Variants in GRAMD1B observed in about 807,000 individuals in gnomAD.
GRAMD1B encodes GRAM domain containing 1B.
GRAMD1B carries 37 observed loss-of-function variants against 99.7 expected under a neutral mutation model. The observed-to-expected ratio is 0.37, with a 90% CI of 0.29 to 0.49. The LOEUF (loss-of-function observed/expected upper bound fraction) is 0.49. Among genes scored for constraint, GRAMD1B ranks in the 20% least tolerant of loss-of-function variants. The pLI is 0.98. For synonymous variants in GRAMD1B, 427 were observed against 387.6 expected (o/e 1.10, Z -1.19); for missense variants, 888 against 1,009.2 (o/e 0.88, Z 1.63).
At chr11:123,572,415 G>A (rs942909581) in intron 2 of GRAMD1B, among the ~76,000 whole-genome samples, 1 of 152,200 alleles carries the variant, frequency 6.6e-6, no homozygotes. Context: ...TGTTATGCAT[G>A]TTAGGTGTTA....
In GRAMD1B at chr11:123,492,172, C is replaced by T. The variant is rs1388783238; in HGVS notation, c.452+11279C>T. On this transcript the variant is annotated intron_variant, in intron 2 of 19. Transcript: ENST00000635736. This position sits in a 1 kb window ranked among gnomAD's most constrained non-coding sequence, Gnocchi z 4.2. ...CCTCCCAACGAGGTGCCTTGGCCTCCGGGTCCTTCTTCATAACTGGCCAGG... is the reference window on the plus strand; with the variant it reads ...CCTCCCAACGAGGTGCCTTGGCCTCTGGGTCCTTCTTCATAACTGGCCAGG... Among the ~76,000 whole-genome samples, 2 of 152,132 alleles carry T rather than the reference C, an allele frequency of 1.3e-5. No homozygotes were observed. Among genetic ancestry groups the T allele is most frequent in the South Asian group, 2.1e-4 (1 of 4,828 alleles).
intron 7 of GRAMD1B, among the ~76,000 whole-genome samples, chr11:123,596,602 C>T (rs1396741785): frequency 2.0e-5 from 3 of 152,238 alleles, no homozygotes; most frequent in Non-Finnish European, 4.4e-5. Context: ...GACTGGGTTT[C>T]TGCTGAAGGC....
rs368223750 is a variant in GRAMD1B, at chr11:123,622,558, C to T, written c.2597C>T (p.Thr866Met). Residue 866 changes from threonine (T) to methionine (M), a missense_variant, in exon 20 of 20, where the codon ACG becomes ATG. By Grantham distance (81) the Thr-to-Met change is moderately conservative. Around this residue, in one of 5 missense-constraint regions of GRAMD1B, gnomAD observed 232 missense variants for 261.7 expected, o/e 0.89. Transcript: ENST00000635736. ...AACGGCATCAGGTCCCGCGACTACA[C>T]GTCGGAAAGTGAAGAAAAGAGGAAT... is the stretch of plus-strand genomic sequence containing the variant. ...LQNGIRSRDY[T>M]SESEEKRNRY... 52 of 1,557,760 alleles carry T rather than the reference C, an allele frequency of 3.3e-5. No homozygotes were observed. The highest frequency in any genetic ancestry group is 3.2e-4 in the South Asian group (27 of 84,316).
intron 1 of GRAMD1B, among the ~76,000 whole-genome samples, chr11:123,403,952 C>T (rs1383365765): frequency 2.0e-5 from 3 of 152,176 alleles, no homozygotes; most frequent in African/African-American, 7.2e-5. Flanking sequence ...TGCTTTAACT[C>T]TACAAGTTCA....
At chr11:123,461,597 T>TTTG (rs774597386) in intron 1 of GRAMD1B, among the ~76,000 whole-genome samples, 74 of 152,298 alleles carry the variant, frequency 4.9e-4, no homozygotes, top group African/African-American at 1.6e-3. Flanking sequence ...AGCTCTACTT[T>TTTG]TTGTTGTTGT....
In GRAMD1B at chr11:123,591,049, T is replaced by C. The variant is rs1950592994; in HGVS notation, c.685-3033T>C. On this transcript the variant is annotated intron_variant, in intron 4 of 19. Transcript: ENST00000635736. The surrounding 1 kb of genome is among the most constrained non-coding windows in gnomAD (Gnocchi z 4.7). ...ATCCTCTGGACCCTTGGGGTGACTG[T>C]CTGCACTGACCAGGTGGAGGTGCGT... 1 of 175,106 alleles carries C rather than the reference T, an allele frequency of 5.7e-6. No homozygotes were observed. The highest frequency in any genetic ancestry group is 2.0e-4 in the South Asian group (1 of 5,016). The allele number at this position is 175,106 out of a possible 1,614,324, so 10.8% of individuals were successfully genotyped here. A position where few individuals can be genotyped will look rare whatever the true frequency, so the allele number is the denominator to read the frequency against.
intron 2 of GRAMD1B, among the ~76,000 whole-genome samples, chr11:123,520,009 T>G (rs1466386965): frequency 6.6e-6 from 1 of 152,238 alleles, no homozygotes; most frequent in Non-Finnish European, 1.5e-5. Context: ...AGCAGCATGC[T>G]CTGGTGACCT....
chr11:123,476,309 C>T (rs960063407), intron 1 of GRAMD1B, among the ~76,000 whole-genome samples: 1 of 152,134 alleles, frequency 6.6e-6, no homozygotes, highest in African/African-American at 2.4e-5. Context: ...CCATGTTGGC[C>T]AGGCTGGTCT....
At chr11:123,387,916 G>C (rs1308278168) in intron 1 of GRAMD1B, among the ~76,000 whole-genome samples, 1 of 152,052 alleles carries the variant, frequency 6.6e-6, no homozygotes, top group South Asian at 2.1e-4. Context: ...CTGAGGTCAG[G>C]AGTTCAAGAC....
chr11:123,601,258 C>A (rs1951921387), intron 8 of GRAMD1B, among the ~76,000 whole-genome samples: 1 of 152,034 alleles, frequency 6.6e-6, no homozygotes, highest in South Asian at 2.1e-4. Context: ...ACACAGCCAC[C>A]ACGAATTGAC....
At chr11:123,599,888 G>A (rs531492008) in intron 7 of GRAMD1B, among the ~76,000 whole-genome samples, 2 of 152,328 alleles carry the variant, frequency 1.3e-5, no homozygotes, top group African/African-American at 4.8e-5. Flanking sequence ...AAGGCTTTTT[G>A]TGTGGTTTAA....
At chr11:123,463,822 A>T (rs147535743) in intron 1 of GRAMD1B, among the ~76,000 whole-genome samples, 78 of 152,336 alleles carry the variant, frequency 5.1e-4, no homozygotes, top group Non-Finnish European at 9.0e-4. Flanking sequence ...ATGAATGTGC[A>T]TGGGAGATTT....
Position 123,467,822 on chromosome 11 carries a change from C to CTT in GRAMD1B, c.375-12994_375-12993insTT, listed in dbSNP as rs200358277. 4.9e-3 allele frequency among the ~76,000 whole-genome samples: 632 copies of CTT among 128,580 alleles called. 10 individuals carry two copies. The highest frequency in any genetic ancestry group is 0.018 in the African/African-American group (577 of 32,838). The allele number at this position is 128,580 out of a possible 152,430, so 84.4% of individuals were successfully genotyped here. A position where few individuals can be genotyped will look rare whatever the true frequency, so the allele number is the denominator to read the frequency against. On this transcript the variant is annotated intron_variant, in intron 1 of 19. Coordinates refer to ENST00000635736, the MANE Select transcript of GRAMD1B (RefSeq NM_001387025.1). Reference sequence around the variant, plus strand: ...CCTTCTTTTTCTTTCTTTTCTTTTCCCTCCCTCCCTCCCTCCCTCCCTTCC... The same window carrying CTT: ...CCTTCTTTTTCTTTCTTTTCTTTTCCTTCTCCCTCCCTCCCTCCCTCCCTTCC...
At chr11:123,563,580 C>T (rs370924754) in intron 2 of GRAMD1B, among the ~76,000 whole-genome samples, 15 of 150,240 alleles carry the variant, frequency 1.0e-4, no homozygotes, top group African/African-American at 3.2e-4. Flanking sequence ...GGCATGATGT[C>T]GGCTCACTGC....
intron 3 of GRAMD1B, 21 bp from the exon 4 acceptor site, chr11:123,584,291 T>G: frequency 3.3e-6 from 4 of 1,223,622 alleles, no homozygotes; most frequent in Non-Finnish European, 4.4e-6. Flanking sequence ...TTCTACCTTC[T>G]CTTTCATTTT....
At chr11:123,393,404 A>G (rs7949143) in intron 1 of GRAMD1B, among the ~76,000 whole-genome samples, 20 of 152,318 alleles carry the variant, frequency 1.3e-4, no homozygotes, top group African/African-American at 4.8e-4. Context: ...GGTTTGGGAG[A>G]AGCCTGACAG....
chr11:123,488,092 C>T (rs1413634549), intron 2 of GRAMD1B, among the ~76,000 whole-genome samples: 1 of 152,180 alleles, frequency 6.6e-6, no homozygotes, highest in Non-Finnish European at 1.5e-5. Flanking sequence ...AGACAGCTGT[C>T]TTCTTGCTTT....
chr11:123,516,359 C>G (rs1201902365), intron 2 of GRAMD1B, among the ~76,000 whole-genome samples: 1 of 152,172 alleles, frequency 6.6e-6, no homozygotes, highest in African/African-American at 2.4e-5. Flanking sequence ...CTTCCCCTGC[C>G]CTAACCTTAG....
chr11:123,495,114 T>TACACACAC (rs10695354), intron 2 of GRAMD1B, among the ~76,000 whole-genome samples: 22,453 of 148,500 alleles, frequency 0.15, 1,864 homozygotes, highest in Middle Eastern at 0.24. Flanking sequence ...TATATATACA[T>TACACACAC]ACACACACAC....
Sources: allele counts gnomAD v4.1 joint callset (sites outside exome capture counted in the v4.1 genomes callset), GRCh38; gene constraint gnomAD v4.1.1; regional missense constraint gnomAD v4.1.1; non-coding constraint Gnocchi (gnomAD v3.1); transcripts MANE v1.5; gene names NCBI Gene and HGNC (gene_info 2026-07-23, HGNC 2026-07-21).